Variants in KANSL1 observed in about 807,000 individuals in gnomAD.
The protein encoded by KANSL1 is KAT8 regulatory NSL complex subunit 1, also known as MLL1/MLL complex subunit KANSL1.
In KANSL1, 22 loss-of-function variants were observed where a neutral mutation model predicts 103.6. The ratio of observed to expected loss-of-function variants is 0.21; its 90% confidence interval spans 0.15 to 0.30. The LOEUF (loss-of-function observed/expected upper bound fraction) is 0.30, where lower values mean the gene tolerates loss of function less well. KANSL1 is among the 10% of genes least tolerant of loss of function. The probability of loss-of-function intolerance (pLI) is 1.00; values close to 1 mark genes in which losing one functional copy is unlikely to be tolerated. For missense variants in KANSL1, 1,337 were observed against 1,399.8 expected (o/e 0.96, Z 0.72); for synonymous variants, 600 against 527.6 (o/e 1.14, Z -1.88).
chr17:46,093,340 G>C (rs1178873630), intron 3 of KANSL1: 2 of 152,578 alleles, frequency 1.3e-5, no homozygotes, highest in African/African-American at 4.8e-5. Context: ...TATTAGTTTT[G>C]TTCCAGCTAA....
chr17:46,119,992 CACAA>C, intron 2 of KANSL1: 1 of 152,188 alleles, frequency 6.6e-6, no homozygotes, highest in Non-Finnish European at 1.5e-5. Context: ...TCTGTGGTTC[CACAA>C]ACAGATTAAA....
intron 4 of KANSL1, among the ~76,000 whole-genome samples, chr17:46,080,312 T>TAA (rs35520207): frequency 0.28 from 22,046 of 77,400 alleles, 3,194 homozygotes; most frequent in South Asian, 0.41. Context: ...GAGCCTGTCT[T>TAA]AAAAAAAAAA....
chr17:46,152,522 C>T (rs1005505267), intron 2 of KANSL1, among the ~76,000 whole-genome samples: 5 of 146,346 alleles, frequency 3.4e-5, no homozygotes, highest in Middle Eastern at 3.4e-3. Context: ...TTAGCCTCAA[C>T]TGTTACACAG....
chr17:46,034,311 A>G, intron 10 of KANSL1, 26 bp from the exon 11 acceptor site: 1 of 1,612,102 alleles, frequency 6.2e-7, no homozygotes, highest in Non-Finnish European at 8.5e-7. Flanking sequence ...TAAGTTTAAA[A>G]GGAAGGTACA....
At chr17:46,192,570 A>C (rs1449792461) in intron 1 of KANSL1, 1 of 152,882 alleles carries the variant, frequency 6.5e-6, no homozygotes. Flanking sequence ...ACGCCAAAGG[A>C]AAAGCTGGCG....
At position 46,030,426 on chromosome 17, in the gene KANSL1, G is replaced by A. The variant is rs749102622; in HGVS notation, c.*1050C>T. The A allele has an allele frequency of 2.6e-5, 4 of 152,014 alleles. No homozygotes were observed. The highest frequency in any genetic ancestry group is 5.9e-5 in the Non-Finnish European group (4 of 68,016). The allele number at this position is 152,014 out of a possible 1,614,324, so 9.4% of individuals were successfully genotyped here. A position where few individuals can be genotyped will look rare whatever the true frequency, so the allele number is the denominator to read the frequency against. ...CCTTTTTGGTGATGTGATCATACAG[G>A]AGACAGGCACAAGGTTAACAGAGAA... On this transcript the variant is annotated 3_prime_UTR_variant, in exon 15 of 15. Transcript: ENST00000432791.
chr17:46,175,924 C>T (rs191491717), intron 1 of KANSL1, among the ~76,000 whole-genome samples: 8 of 152,340 alleles, frequency 5.3e-5, no homozygotes, highest in Admixed American at 5.2e-4. Context: ...CAGTTGACAG[C>T]TGGACCAATA....
rs2146485410 is a variant in KANSL1 at position 46,050,632 on chromosome 17, T to C, written c.1921A>G (p.Ile641Val). The change falls in exon 7 of 15, where the codon ATC becomes GTC. Residue 641 changes from isoleucine to valine, a missense_variant. Physicochemically the swap from Ile to Val is conservative, Grantham distance 29. This residue lies in a region of KANSL1 where 780 missense variants were observed against 923.4 expected (regional missense o/e 0.84). Coordinates refer to ENST00000432791, the MANE Select transcript of KANSL1 (RefSeq NM_015443.4). Reference sequence around the variant, plus strand: ...TGAATTTCGGGAGGCATGGTGTTGATGCTGCCTGAACCACACAGTGCGCAG... The same window carrying C: ...TGAATTTCGGGAGGCATGGTGTTGACGCTGCCTGAACCACACAGTGCGCAG... Reference protein sequence around the residue: ...PSCALCGSGSINTMPPEIHYE... With the variant: ...PSCALCGSGSVNTMPPEIHYE... The C allele has an allele frequency of 3.1e-6, 5 of 1,614,210 alleles. No individual in the cohort carries two copies. The highest frequency in any genetic ancestry group is 4.2e-6 in the Non-Finnish European group (5 of 1,180,036).
chr17:46,113,123 G>C (rs1028649419), intron 2 of KANSL1, among the ~76,000 whole-genome samples: 1 of 152,178 alleles, frequency 6.6e-6, no homozygotes, highest in African/African-American at 2.4e-5. Context: ...ACAACTGGGG[G>C]TGGGGGGATG....
At chr17:46,041,790 C>T (rs1183637477) in intron 7 of KANSL1, 1 of 152,068 alleles carries the variant, frequency 6.6e-6, no homozygotes, top group Non-Finnish European at 1.5e-5. Context: ...TATTTCTTCA[C>T]AGTTATCTTG....
intron 2 of KANSL1, among the ~76,000 whole-genome samples, chr17:46,160,856 G>A (rs888766301): frequency 2.0e-5 from 3 of 152,206 alleles, no homozygotes; most frequent in African/African-American, 7.2e-5. Context: ...TAGTGCTTAT[G>A]CCCAGGAGAT....
In KANSL1 at chr17:46,213,391, G is replaced by C. The variant is rs181766213; in HGVS notation, c.-90+10280C>G. On this transcript the variant is annotated intron_variant, in intron 1 of 14. Coordinates refer to the KANSL1 transcript ENST00000572904. ...TCTCAGCTCACTGCAAGCTCCGCCT[G>C]CTGGGTTCACACCATTCTCCTGCCA... Among the ~76,000 whole-genome samples the C allele has an allele frequency of 1.8e-4, 28 of 151,982 alleles. 1 individual carries two copies. The highest frequency in any genetic ancestry group is 1.6e-3 in the Admixed American group (24 of 15,288).
At chr17:46,032,786 G>GA (rs1487010336) in intron 13 of KANSL1, among the ~76,000 whole-genome samples, 3 of 152,144 alleles carry the variant, frequency 2.0e-5, no homozygotes, top group Non-Finnish European at 4.4e-5. Context: ...TCCCCGGGTT[G>GA]AATCACCATG....
intron 13 of KANSL1, 94 bp from the exon 14 acceptor site, chr17:46,032,393 G>A: frequency 8.9e-7 from 1 of 1,126,256 alleles, no homozygotes; most frequent in African/African-American, 1.6e-5. Flanking sequence ...GAGGAGTTGA[G>A]GCAAACAAAC....
chr17:46,057,910 G>C (rs1468419580), intron 6 of KANSL1, among the ~76,000 whole-genome samples: 2 of 152,174 alleles, frequency 1.3e-5, no homozygotes, highest in Non-Finnish European at 2.9e-5. Flanking sequence ...TTACCTTTCA[G>C]TCATAAACCA....
At chr17:46,198,932 A>C (rs2047704482) in intron 1 of KANSL1, among the ~76,000 whole-genome samples, 1 of 152,252 alleles carries the variant, frequency 6.6e-6, no homozygotes, top group Admixed American at 6.5e-5. Flanking sequence ...TAAGCTCAAG[A>C]ATTTATTCTA....
At chr17:46,143,184 G>A (rs1250523041) in intron 2 of KANSL1, among the ~76,000 whole-genome samples, 1 of 152,234 alleles carries the variant, frequency 6.6e-6, no homozygotes, top group African/African-American at 2.4e-5. Context: ...GGGAAAAGCA[G>A]AAGTCAGGTG....
intron 2 of KANSL1, among the ~76,000 whole-genome samples, chr17:46,163,537 T>C (rs573080513): frequency 1.3e-5 from 2 of 152,326 alleles, no homozygotes; most frequent in South Asian, 4.1e-4. Flanking sequence ...ATTTCCTCAT[T>C]TTTAACACTT....
chr17:46,059,628 CAAAAA>C (rs146430605), intron 6 of KANSL1, among the ~76,000 whole-genome samples: 1 of 74,354 alleles, frequency 1.3e-5, no homozygotes, highest in African/African-American at 5.9e-5. Context: ...GCTCTGACTC[CAAAAA>C]AAAAAAAAAA....
Sources: allele counts gnomAD v4.1 joint callset (sites outside exome capture counted in the v4.1 genomes callset), GRCh38; gene constraint gnomAD v4.1.1; regional missense constraint gnomAD v4.1.1; transcripts MANE v1.5; gene names NCBI Gene and HGNC (gene_info 2026-07-23, HGNC 2026-07-21).